The following PRKCB variants were observed in gnomAD, a reference collection of about 807,000 sequenced individuals.
PRKCB encodes the protein protein kinase C beta, also known as protein kinase C beta type.
PRKCB carries 13 observed loss-of-function variants against 81.5 expected under a neutral mutation model. That is an observed-to-expected ratio of 0.16 (90% CI 0.10 to 0.25). The LOEUF (loss-of-function observed/expected upper bound fraction) is 0.25. Ranked by LOEUF, PRKCB falls within the 10% of genes least tolerant of loss-of-function variation. The pLI is 1.00. For missense variants in PRKCB, 509 were observed against 875.7 expected, an observed-to-expected ratio of 0.58 and a Z score of 5.29; for synonymous variants, 335 against 321.4, an observed-to-expected ratio of 1.04 and a Z score of -0.45.
chr16:23,852,995 T>C (rs1267861741), intron 2 of PRKCB, among the ~76,000 whole-genome samples: 1 of 152,170 alleles, frequency 6.6e-6, no homozygotes, highest in African/African-American at 2.4e-5. Context: ...GAATCACCCA[T>C]TGGGGAATGG....
At chr16:24,002,987 C>G (rs911278248) in intron 3 of PRKCB, among the ~76,000 whole-genome samples, 1 of 152,020 alleles carries the variant, frequency 6.6e-6, no homozygotes, top group Admixed American at 6.6e-5. Flanking sequence ...TGAGACCCTC[C>G]CCGAGTCAGT....
chr16:24,189,353 T>C (rs572750197), intron 15 of PRKCB, among the ~76,000 whole-genome samples: 1 of 152,256 alleles, frequency 6.6e-6, no homozygotes, highest in East Asian at 1.9e-4. Flanking sequence ...AATAAAGAAG[T>C]AGCAGCTCGG....
chr16:24,190,711 G>C (rs532094821), intron 15 of PRKCB, among the ~76,000 whole-genome samples: 1 of 151,924 alleles, frequency 6.6e-6, no homozygotes, highest in African/African-American at 2.4e-5. Context: ...TAGAGACAGG[G>C]TTTCACCATG....
intron 16 of PRKCB, among the ~76,000 whole-genome samples, chr16:24,193,472 T>TA (rs1443917376): frequency 7.8e-5 from 8 of 103,086 alleles, no homozygotes; most frequent in Admixed American, 2.0e-4. Flanking sequence ...AATAAATAAA[T>TA]AAATAAATAA....
rs192731024 is a variant in PRKCB at position 23,848,794 on chromosome 16, A to G, written c.205+11388A>G. Among the ~76,000 whole-genome samples, 206 of 152,332 alleles carry G rather than the reference A, an allele frequency of 1.4e-3. 2 individuals carry two copies. The highest frequency in any genetic ancestry group is 4.5e-3 in the African/African-American group (188 of 41,564). On this transcript the variant is annotated intron_variant, in intron 2 of 16. Coordinates refer to ENST00000643927, the MANE Select transcript of PRKCB (RefSeq NM_002738.7). ...TTCATAGCTAAAAGGATATAATAATAAAACCTACTTTATGTGAAGTGTTTC... is the reference window on the plus strand; with the variant it reads ...TTCATAGCTAAAAGGATATAATAATGAAACCTACTTTATGTGAAGTGTTTC...
intron 5 of PRKCB, among the ~76,000 whole-genome samples, chr16:24,087,780 T>C (rs1966327345): frequency 6.6e-6 from 1 of 152,224 alleles, no homozygotes. Flanking sequence ...ACATGCATGC[T>C]ATCTTTTTAT....
At position 23,836,168 on chromosome 16, in the gene PRKCB, C is replaced by T. The variant is rs1300046248; in HGVS notation, c.-8C>T. On this transcript the variant is annotated 5_prime_UTR_variant, in exon 1 of 17. Transcript: ENST00000643927. Reference sequence around the variant, plus strand: ...GCACCTCTCGGGCTCCGGCTCCCCGCGCGCAAGATGGCTGACCCGGCTGCG... The same window carrying T: ...GCACCTCTCGGGCTCCGGCTCCCCGTGCGCAAGATGGCTGACCCGGCTGCG... 4 of 1,526,546 alleles carry T rather than the reference C, an allele frequency of 2.6e-6. No homozygotes were observed. Among genetic ancestry groups the T allele is most frequent in the Non-Finnish European group, 3.5e-6 (4 of 1,141,248 alleles). 94.6% of individuals were successfully genotyped at this position (1,526,546 alleles called of 1,614,324 possible). A position where few individuals can be genotyped will look rare whatever the true frequency, so the allele number is the denominator to read the frequency against.
In PRKCB at chr16:24,154,821, C is replaced by T. The variant is rs1967133413; in HGVS notation, c.1203C>T (p.Pro401=). The stretch of plus-strand genomic sequence containing the variant: ...TGTTGGCCCTGCCTGGGAAGCCGCC[C>T]TTCCTGACCCAGCTCCACTCCTGCT... ...KRVLALPGKP[P]FLTQLHSCFQ... is the part of the protein sequence containing the mutation. Residue 401 remains proline (P), a synonymous_variant, in exon 10 of 17, where the codon CCC becomes CCT. Coordinates refer to ENST00000643927, the MANE Select transcript of PRKCB (RefSeq NM_002738.7). The T allele has an allele frequency of 6.2e-7, 1 of 1,613,974 alleles. No homozygotes were observed. The highest frequency in any genetic ancestry group is 8.5e-7 in the Non-Finnish European group (1 of 1,179,990).
At chr16:24,089,638 G>A (rs995882805) in intron 5 of PRKCB, among the ~76,000 whole-genome samples, 120 of 152,190 alleles carry the variant, frequency 7.9e-4, no homozygotes, top group African/African-American at 2.8e-3. Flanking sequence ...TTAGGCATAG[G>A]TTGGCAAGCA....
chr16:24,142,278 G>A (rs1459792415), intron 9 of PRKCB, among the ~76,000 whole-genome samples: 3 of 152,118 alleles, frequency 2.0e-5, no homozygotes, highest in South Asian at 2.1e-4. Flanking sequence ...AGACTCTGTC[G>A]ATGCCATAAT....
At chr16:24,116,571 G>C (rs1966739995) in intron 8 of PRKCB, among the ~76,000 whole-genome samples, 1 of 152,154 alleles carries the variant, frequency 6.6e-6, no homozygotes, top group African/African-American at 2.4e-5. Context: ...GAGCTTATCA[G>C]TCATTCTCCA....
chr16:23,920,304 A>T (rs528051995), intron 2 of PRKCB, among the ~76,000 whole-genome samples: 16 of 152,292 alleles, frequency 1.1e-4, no homozygotes, highest in African/African-American at 3.6e-4. Flanking sequence ...CTTTGGAGAA[A>T]TTCTATTCAA....
At chr16:24,149,363 C>T (rs149502981) in intron 9 of PRKCB, among the ~76,000 whole-genome samples, 337 of 152,116 alleles carry the variant, frequency 2.2e-3, no homozygotes, top group Middle Eastern at 0.014. Flanking sequence ...AAATGTAACT[C>T]CAAGAGAGGA....
intron 2 of PRKCB, among the ~76,000 whole-genome samples, chr16:23,971,891 A>G (rs1050321480): frequency 6.6e-6 from 1 of 152,224 alleles, no homozygotes; most frequent in Non-Finnish European, 1.5e-5. Flanking sequence ...ACAGTATGAT[A>G]CAGCAATTCC....
intron 7 of PRKCB, among the ~76,000 whole-genome samples, chr16:24,095,712 A>G (rs985548086): frequency 6.6e-6 from 1 of 152,138 alleles, no homozygotes; most frequent in African/African-American, 2.4e-5. Context: ...TTTAAAATAT[A>G]CAACAAATTT....
intron 5 of PRKCB, among the ~76,000 whole-genome samples, chr16:24,068,149 T>C (rs1966061336): frequency 6.6e-6 from 1 of 152,180 alleles, no homozygotes; most frequent in Non-Finnish European, 1.5e-5. Context: ...GCCCTCCTTT[T>C]AACTGGGTCC....
rs147259878 is a variant in PRKCB, at chr16:24,218,679, G to C, written c.*3863G>C. 193 of 985,446 alleles carry C rather than the reference G, an allele frequency of 2.0e-4. 2 individuals are homozygous for C. In the East Asian group the frequency reaches 0.02, roughly 103 times the overall value. 61.0% of individuals were successfully genotyped at this position (985,446 alleles called of 1,614,324 possible). A position where few individuals can be genotyped will look rare whatever the true frequency, so the allele number is the denominator to read the frequency against. On this transcript the variant is annotated 3_prime_UTR_variant, in exon 17 of 17. Transcript: ENST00000643927. ...GATCCTTAACAGCTAGTGCCCATTA[G>C]GGGGCTAAACCTAAAGCCTGGGTGG...
At position 24,189,160 on chromosome 16, in the gene PRKCB, A is replaced by G. The variant is rs898114835; in HGVS notation, c.1723-1930A>G. On this transcript the variant is annotated intron_variant, in intron 15 of 16. Coordinates refer to ENST00000643927, the MANE Select transcript of PRKCB (RefSeq NM_002738.7). The stretch of plus-strand genomic sequence containing the variant: ...GCACTCCCATTTTTCTTAAAAGCCC[A>G]AGTTTTAGAGCTAGGCAGAGGTGGA... Among the ~76,000 whole-genome samples the G allele has an allele frequency of 5.9e-5, 9 of 152,230 alleles. No homozygotes were observed. In the East Asian group the frequency reaches 1.7e-3, roughly 29 times the overall value.
chr16:24,147,953 C>G (rs914544431), intron 9 of PRKCB, among the ~76,000 whole-genome samples: 1 of 152,152 alleles, frequency 6.6e-6, no homozygotes, highest in African/African-American at 2.4e-5. Context: ...GGCACAAACA[C>G]TAGGCCTTTG....
Sources: allele counts gnomAD v4.1 joint callset (sites outside exome capture counted in the v4.1 genomes callset), GRCh38; gene constraint gnomAD v4.1.1; transcripts MANE v1.5; gene names NCBI Gene and HGNC (gene_info 2026-07-23, HGNC 2026-07-21).